Variants in PSMD1 observed in about 807,000 individuals in gnomAD.
PSMD1 encodes the protein 26S proteasome non-ATPase regulatory subunit 1.
PSMD1 carries 18 observed loss-of-function variants against 119.0 expected under a neutral mutation model. The ratio of observed to expected loss-of-function variants is 0.15; its 90% confidence interval spans 0.10 to 0.22. The LOEUF is 0.22. Among genes scored for constraint, PSMD1 ranks in the 10% least tolerant of loss-of-function variants. PSMD1 has a pLI of 1.00. For missense variants in PSMD1, 702 were observed against 1,158.5 expected (o/e 0.61, Z 5.72); for synonymous variants, 374 against 396.6 (o/e 0.94, Z 0.68).
At chr2:231,120,033 A>C (rs1361245572) in intron 16 of PSMD1, among the ~76,000 whole-genome samples, 1 of 148,818 alleles carries the variant, frequency 6.7e-6, no homozygotes, top group African/African-American at 2.5e-5. Context: ...GCTCACTGCA[A>C]CTCTGTCTTC....
intron 23 of PSMD1, among the ~76,000 whole-genome samples, chr2:231,167,372 AAGAC>A (rs1474525773): frequency 6.6e-6 from 1 of 152,264 alleles, no homozygotes; most frequent in Non-Finnish European, 1.5e-5. Flanking sequence ...ATTATGAACT[AAGAC>A]AGTGAGGCAC....
At chr2:231,143,429 C>T (rs2125251745) in intron 17 of PSMD1, among the ~76,000 whole-genome samples, 1 of 152,270 alleles carries the variant, frequency 6.6e-6, no homozygotes, top group East Asian at 1.9e-4. Context: ...GGGGTTTCAC[C>T]ATGTTGGTCA....
intron 16 of PSMD1, chr2:231,113,607 G>A: frequency 2.4e-6 from 2 of 835,050 alleles, no homozygotes; most frequent in African/African-American, 1.7e-5. Context: ...TTATGTTAAT[G>A]TATCAGTAGG....
In PSMD1 at chr2:231,066,953, T is replaced by C. The variant is rs1693922626; in HGVS notation, c.352T>C (p.Leu118=). ...YTKQCVENAD[L]PEGEKKPIDQ... The stretch of plus-strand genomic sequence containing the variant: ...CAAACAATGTGTGGAAAATGCAGAT[T>C]TGCCTGAAGGAGAAAAAAAACCAAT... The change falls in exon 5 of 25, where the codon TTG becomes CTG. Residue 118 remains leucine, a synonymous_variant. Coordinates refer to ENST00000308696, the MANE Select transcript of PSMD1 (RefSeq NM_002807.4). 1 of 1,612,794 alleles carries C rather than the reference T, an allele frequency of 6.2e-7. No homozygotes were observed. The highest frequency in any genetic ancestry group is 8.5e-7 in the Non-Finnish European group (1 of 1,179,560).
In PSMD1 at chr2:231,087,252, C is replaced by A. The variant is rs1694475664; in HGVS notation, c.1883+71C>A. The A allele has an allele frequency of 2.3e-6, 3 of 1,312,352 alleles. No individual in the cohort carries two copies. The East Asian group carries it at 7.3e-5, about 32-fold the overall frequency. The allele number at this position is 1,312,352 out of a possible 1,614,324, so 81.3% of individuals were successfully genotyped here. A position where few individuals can be genotyped will look rare whatever the true frequency, so the allele number is the denominator to read the frequency against. ...GGAAATGTAGTAGTCACTACCGAAA[C>A]TACCAAACAGTTTAGTCACTAAACA... On this transcript the variant is annotated intron_variant, in intron 16 of 24. Coordinates refer to ENST00000308696, the MANE Select transcript of PSMD1 (RefSeq NM_002807.4).
chr2:231,060,167 A>G (rs951253632), intron 1 of PSMD1, among the ~76,000 whole-genome samples: 2 of 152,192 alleles, frequency 1.3e-5, no homozygotes, highest in Admixed American at 1.3e-4. Flanking sequence ...TTTGAAATTT[A>G]TCTGTTCCCT....
rs75193402 is a variant in PSMD1, at chr2:231,070,484, A to C, written c.654+316A>C. On this transcript the variant is annotated intron_variant, in intron 6 of 24. Transcript: ENST00000308696. ...GGTTTTTTAAAAAGCTAGAAGATTA[A>C]AACAGTGCCTATGCTATACTATATC... 4.6e-3 allele frequency among the ~76,000 whole-genome samples: 697 copies of C among 152,262 alleles called. 6 individuals are homozygous for C. Among genetic ancestry groups the C allele is most frequent in the African/African-American group, 0.016 (676 of 41,578 alleles).
rs1011475384 is a variant in PSMD1, at chr2:231,056,900, G to A, written c.-126G>A. 8.3e-6 allele frequency: 11 copies of A among 1,326,710 alleles called. No individual in the cohort carries two copies. Among genetic ancestry groups the A allele is most frequent in the Admixed American group, 2.0e-5 (1 of 49,676 alleles). The allele number at this position is 1,326,710 out of a possible 1,614,324, so 82.2% of individuals were successfully genotyped here. On this transcript the variant is annotated 5_prime_UTR_variant, in exon 1 of 25. Transcript: ENST00000308696. ...GAGAAGCGAGCCGGCGGCCTGAGGA[G>A]GCGACTGACTGAGCAGCGCACCCGG...
intron 16 of PSMD1, chr2:231,123,412 C>A: frequency 1.2e-6 from 2 of 1,608,690 alleles, no homozygotes; most frequent in Non-Finnish European, 1.7e-6. Context: ...GAAATACTTA[C>A]CAAACATTAT....
chr2:231,129,577 C>T (rs907679042), intron 16 of PSMD1, among the ~76,000 whole-genome samples: 1 of 152,206 alleles, frequency 6.6e-6, no homozygotes, highest in Non-Finnish European at 1.5e-5. Flanking sequence ...AATAAATTCT[C>T]TTTCACTGAA....
At chr2:231,080,722 A>G (rs1196796720) in intron 12 of PSMD1, among the ~76,000 whole-genome samples, 1 of 152,214 alleles carries the variant, frequency 6.6e-6, no homozygotes, top group African/African-American at 2.4e-5. Flanking sequence ...AAGCTTACTA[A>G]GTAGCCCTGT....
intron 16 of PSMD1, chr2:231,109,368 C>T (rs781569446): frequency 6.2e-7 from 1 of 1,614,158 alleles, no homozygotes; most frequent in Non-Finnish European, 8.5e-7. Context: ...GGGTTGTCCA[C>T]ATCAGTCTCT....
intron 16 of PSMD1, among the ~76,000 whole-genome samples, chr2:231,089,774 C>G (rs1057499650): frequency 2.0e-5 from 3 of 152,164 alleles, no homozygotes; most frequent in Non-Finnish European, 4.4e-5. Flanking sequence ...AGGATGTAGG[C>G]TGGAGGCTAA....
At chr2:231,094,577 A>G (rs1011365126) in intron 16 of PSMD1, among the ~76,000 whole-genome samples, 9 of 152,240 alleles carry the variant, frequency 5.9e-5, no homozygotes, top group African/African-American at 1.4e-4. Context: ...CAGTGCCAGT[A>G]TTAAGGCTCC....
chr2:231,080,005 ATG>A (rs1694267625), intron 11 of PSMD1, 134 bp from the exon 12 acceptor site: 2 of 702,684 alleles, frequency 2.8e-6, no homozygotes, highest in Non-Finnish European at 2.2e-6. Flanking sequence ...ATACAATTAT[ATG>A]AGAGAGAGCC....
In PSMD1 at chr2:231,171,808, G is replaced by A. The variant is rs144331043; in HGVS notation, c.*10-727G>A. ...GGACCTCAGCTGATCCGCGAACCTC[G>A]GCCTCCCAAAGTGCTGGGATTACAG... On this transcript the variant is annotated intron_variant, in intron 24 of 24. Coordinates refer to ENST00000308696, the MANE Select transcript of PSMD1 (RefSeq NM_002807.4). Among the ~76,000 whole-genome samples the A allele has an allele frequency of 8.0e-3, 1,210 of 151,978 alleles. 23 individuals carry two copies. The highest frequency in any genetic ancestry group is 0.028 in the African/African-American group (1,152 of 41,434).
At chr2:231,119,194 C>T (rs1277554788) in intron 16 of PSMD1, among the ~76,000 whole-genome samples, 1 of 152,150 alleles carries the variant, frequency 6.6e-6, no homozygotes, top group Non-Finnish European at 1.5e-5. Flanking sequence ...CATTGCTTTT[C>T]TCCTCCATTT....
intron 2 of PSMD1, 41 bp from the exon 3 acceptor site, chr2:231,062,207 A>G (rs1693777034): frequency 7.3e-7 from 1 of 1,374,212 alleles, no homozygotes; most frequent in Non-Finnish European, 1.0e-6. Flanking sequence ...AAGTGTAATG[A>G]TAAGTCTATC....
chr2:231,120,559 G>C (rs950746328), intron 16 of PSMD1, among the ~76,000 whole-genome samples: 6 of 152,178 alleles, frequency 3.9e-5, no homozygotes, highest in Non-Finnish European at 8.8e-5. Flanking sequence ...TGCCTGAGTT[G>C]TCATAATCTT....
Sources: allele counts gnomAD v4.1 joint callset (sites outside exome capture counted in the v4.1 genomes callset), GRCh38; gene constraint gnomAD v4.1.1; transcripts MANE v1.5; gene names NCBI Gene and HGNC (gene_info 2026-07-23, HGNC 2026-07-21).